SLC25A13: variants seen among roughly 807,000 people sequenced by gnomAD.
The protein encoded by SLC25A13 is electrogenic aspartate/glutamate antiporter SLC25A13, mitochondrial.
A neutral mutation model predicts 85.5 loss-of-function variants in SLC25A13; 70 were observed. That is an observed-to-expected ratio of 0.82 (90% CI 0.68 to 1.00). The LOEUF (loss-of-function observed/expected upper bound fraction) is 1.00. SLC25A13 is among the 50% of genes least tolerant of loss of function. The pLI, the probability that SLC25A13 is intolerant of heterozygous loss-of-function variation, is 0.00. For missense variants in SLC25A13, 765 were observed against 819.8 expected, an observed-to-expected ratio of 0.93 and a Z score of 0.82; for synonymous variants, 259 against 288.7, an observed-to-expected ratio of 0.90 and a Z score of 1.04.
intron 2 of SLC25A13, among the ~76,000 whole-genome samples, chr7:96,286,185 G>A (rs1798878799): frequency 6.6e-6 from 1 of 151,402 alleles, no homozygotes; most frequent in Non-Finnish European, 1.5e-5. Context: ...TTGGGAGGCT[G>A]AGGCAGGAGG....
chr7:96,283,658 T>C, intron 2 of SLC25A13: 2 of 293,264 alleles, frequency 6.8e-6, no homozygotes, highest in Admixed American at 4.2e-5. Context: ...CTCTAAGAGC[T>C]GAGATAGCTT....
intron 3 of SLC25A13, among the ~76,000 whole-genome samples, chr7:96,271,265 T>C (rs1034358385): frequency 3.3e-5 from 5 of 152,168 alleles, no homozygotes; most frequent in Non-Finnish European, 7.3e-5. Flanking sequence ...CAAATTGATA[T>C]AAAACCCTCA....
intron 3 of SLC25A13, among the ~76,000 whole-genome samples, chr7:96,256,966 C>T (rs1407597092): frequency 1.3e-5 from 2 of 152,162 alleles, no homozygotes; most frequent in Non-Finnish European, 2.9e-5. Context: ...TGAATGACTA[C>T]TGGGTAAATA....
At chr7:96,283,597 G>T in intron 2 of SLC25A13, 2 of 318,808 alleles carry the variant, frequency 6.3e-6, no homozygotes, top group South Asian at 3.1e-5. Flanking sequence ...AACAAGTTAA[G>T]GGCAAGACTC....
intron 13 of SLC25A13, among the ~76,000 whole-genome samples, chr7:96,169,466 G>A (rs1793910290): frequency 6.6e-6 from 1 of 152,056 alleles, no homozygotes; most frequent in African/African-American, 2.4e-5. Context: ...GATAAAACGA[G>A]ACACAATGTT....
intron 1 of SLC25A13, among the ~76,000 whole-genome samples, chr7:96,309,883 G>A (rs1341628349): frequency 6.6e-6 from 1 of 152,080 alleles, no homozygotes; most frequent in Admixed American, 6.6e-5. Flanking sequence ...ATGAAGATAG[G>A]GTCTTTGAAA....
intron 11 of SLC25A13, among the ~76,000 whole-genome samples, chr7:96,181,005 C>T (rs1794399787): frequency 2.0e-5 from 3 of 152,198 alleles, no homozygotes; most frequent in Admixed American, 2.0e-4. Flanking sequence ...TGGATTATCT[C>T]AGGTGTGATT....
At position 96,131,837 on chromosome 7, in the gene SLC25A13, G is replaced by T; in HGVS notation, c.1497C>A (p.Ile499=). 6.2e-7 allele frequency: 1 copy of T among 1,614,094 alleles called. No homozygotes were observed. Among genetic ancestry groups the T allele is most frequent in the Non-Finnish European group, 8.5e-7 (1 of 1,180,006 alleles). The part of the protein sequence containing the change: ...CFLRDIPFSA[I]YFPCYAHVKA... ...TCACATGAGCATAGCACGGAAAGTA[G>T]ATGGCCGAGAAAGGAATGTCCCGCA... Residue 499 remains isoleucine (I), a synonymous_variant, in exon 15 of 18, where the codon ATC becomes ATA. Transcript: ENST00000265631.
intron 5 of SLC25A13, among the ~76,000 whole-genome samples, chr7:96,196,540 G>C (rs1420953237): frequency 6.6e-6 from 1 of 152,280 alleles, no homozygotes; most frequent in South Asian, 2.1e-4. Flanking sequence ...CCTGTGATTA[G>C]GACAGTGTTA....
At chr7:96,311,229 C>A (rs1799937128) in intron 1 of SLC25A13, among the ~76,000 whole-genome samples, 1 of 152,146 alleles carries the variant, frequency 6.6e-6, no homozygotes, top group African/African-American at 2.4e-5. Context: ...AAGATAACAA[C>A]ATCTGAAACC....
intron 4 of SLC25A13, among the ~76,000 whole-genome samples, chr7:96,229,739 T>C (rs1200746250): frequency 6.6e-6 from 1 of 151,968 alleles, no homozygotes; most frequent in African/African-American, 2.4e-5. Flanking sequence ...AGCGAAAGTC[T>C]GCAGCTTCAC....
intron 13 of SLC25A13, among the ~76,000 whole-genome samples, chr7:96,153,996 G>A (rs530426109): frequency 1.6e-4 from 25 of 152,254 alleles, no homozygotes; most frequent in African/African-American, 5.1e-4. Context: ...TTGCAAATAC[G>A]TCACTTGGGC....
At chr7:96,136,742 A>G (rs1792302859) in intron 14 of SLC25A13, among the ~76,000 whole-genome samples, 1 of 152,172 alleles carries the variant, frequency 6.6e-6, no homozygotes, top group Non-Finnish European at 1.5e-5. Context: ...AAAGGTAATT[A>G]CACTCACAAA....
chr7:96,286,058 G>A (rs999242594), intron 2 of SLC25A13, among the ~76,000 whole-genome samples: 6 of 152,208 alleles, frequency 3.9e-5, no homozygotes, highest in South Asian at 2.1e-4. Context: ...GCCAAGGCAG[G>A]AGGATCATGA....
chr7:96,152,767 G>A (rs903928817), intron 13 of SLC25A13, among the ~76,000 whole-genome samples: 2 of 152,130 alleles, frequency 1.3e-5, no homozygotes, highest in African/African-American at 2.4e-5. Context: ...GCTATACACC[G>A]GTGGTACAGC....
At chr7:96,216,603 G>A (rs1241188271) in intron 4 of SLC25A13, among the ~76,000 whole-genome samples, 2 of 152,152 alleles carry the variant, frequency 1.3e-5, no homozygotes, top group African/African-American at 2.4e-5. Context: ...TTGCAGGAAC[G>A]TCGACGGAGC....
rs777405773 is a variant in SLC25A13, at chr7:96,189,663, GAACA to G, written c.762_765del (p.Val255TrpfsTer20). 1 of 1,613,228 alleles carries G rather than the reference GAACA, an allele frequency of 6.2e-7. No individual in the cohort carries two copies. Among genetic ancestry groups the G allele is most frequent in the African/African-American group, 1.3e-5 (1 of 74,766 alleles). ...ACCTGACCAAATTTCTGAGCTGCCA[GAACA>G]AACTCCTCTGTATGGAAGAAAAGTT... On this transcript the variant is annotated frameshift_variant, in exon 8 of 18. Coordinates refer to ENST00000265631, the MANE Select transcript of SLC25A13 (RefSeq NM_014251.3). LOFTEE classifies it high-confidence loss of function.
intron 11 of SLC25A13, among the ~76,000 whole-genome samples, chr7:96,178,774 C>A (rs1794317538): frequency 1.3e-5 from 2 of 152,132 alleles, no homozygotes; most frequent in Admixed American, 6.5e-5. Flanking sequence ...GCATTCTTTC[C>A]TCCCTCCTCC....
chr7:96,291,358 A>T (rs1023487704), intron 2 of SLC25A13, among the ~76,000 whole-genome samples: 1 of 152,190 alleles, frequency 6.6e-6, no homozygotes, highest in Non-Finnish European at 1.5e-5. Context: ...CTAACATCAC[A>T]ATTAAAAGAA....
Sources: gnomAD v4.1 joint callset for allele counts (sites outside exome capture counted in the v4.1 genomes callset) on GRCh38, gnomAD v4.1.1 for gene constraint, MANE v1.5 for transcripts, NCBI Gene and HGNC (gene_info 2026-07-23, HGNC 2026-07-21) for gene names.